Variants in PLCZ1 observed in about 807,000 individuals in gnomAD.
PLCZ1 encodes phospholipase C zeta 1.
PLCZ1 carries 64 observed loss-of-function variants against 76.8 expected under a neutral mutation model. The ratio of observed to expected loss-of-function variants is 0.83; its 90% confidence interval spans 0.68 to 1.03. The LOEUF (loss-of-function observed/expected upper bound fraction) is 1.03, where lower values mean the gene tolerates loss of function less well. Among genes scored for constraint, PLCZ1 ranks in the 50% least tolerant of loss-of-function variants. The pLI is 0.00. For synonymous variants in PLCZ1, 248 were observed against 230.8 expected (o/e 1.07, Z -0.68); for missense variants, 751 against 713.7 (o/e 1.05, Z -0.60).
intron 2 of PLCZ1, 121 bp downstream of exon 2, chr12:18,737,240 C>CAG (rs1959450170): frequency 9.6e-7 from 1 of 1,045,196 alleles, no homozygotes; most frequent in Admixed American, 1.7e-5. Context: ...CAGGGAAAAG[C>CAG]AGTTCAACTT....
downstream of PLCZ1, among the ~76,000 whole-genome samples, chr12:18,680,389 A>G (rs1168997450): frequency 1.3e-5 from 2 of 152,074 alleles, no homozygotes; most frequent in Non-Finnish European, 2.9e-5. Context: ...CCAACATTTA[A>G]AATGGAGACC....
intron 4 of PLCZ1, among the ~76,000 whole-genome samples, chr12:18,721,907 A>C (rs938807770): frequency 6.6e-6 from 1 of 151,974 alleles, no homozygotes; most frequent in African/African-American, 2.4e-5. Context: ...TTTGCATGGC[A>C]CTGAGTCATG....
In PLCZ1 at chr12:18,687,380, A is replaced by G. The variant is rs141847943; in HGVS notation, c.1591+709T>C. 2.2e-3 allele frequency among the ~76,000 whole-genome samples: 342 copies of G among 152,278 alleles called. 1 individual carries two copies. The highest frequency in any genetic ancestry group is 7.9e-3 in the African/African-American group (329 of 41,576). On this transcript the variant is annotated intron_variant, in intron 13 of 14. Coordinates refer to ENST00000266505, the MANE Select transcript of PLCZ1 (RefSeq NM_033123.4). Reference sequence around the variant, plus strand: ...TTTGCTTTGAGAATATCCCTTGAAGAAGATTCCAGACTCAAGAATCAGTTC... The same window carrying G: ...TTTGCTTTGAGAATATCCCTTGAAGGAGATTCCAGACTCAAGAATCAGTTC...
Position 18,695,051 on chromosome 12 carries a change from C to G in PLCZ1, c.1320G>C (p.Leu440=), listed in dbSNP as rs1242030223. 4 of 1,613,050 alleles carry G rather than the reference C, an allele frequency of 2.5e-6. No individual in the cohort carries two copies. Among genetic ancestry groups the G allele is most frequent in the South Asian group, 1.1e-5 (1 of 91,062 alleles). ...MVALNFQTPG[L]PMDLQNGKFL... ...ATTTCCCATTTTGCAGATCCATGGG[C>G]AGACCAGGGGTCTGGAAATTTAAAG... Residue 440 remains leucine, a synonymous_variant, in exon 12 of 15, where the codon CTG becomes CTC. Coordinates refer to ENST00000266505, the MANE Select transcript of PLCZ1 (RefSeq NM_033123.4).
intron 3 of PLCZ1, among the ~76,000 whole-genome samples, chr12:18,731,899 T>C (rs1330943815): frequency 6.6e-6 from 1 of 152,156 alleles, no homozygotes; most frequent in Non-Finnish European, 1.5e-5. Context: ...TCCCTCCTAC[T>C]AGTTATTCTT....
chr12:18,737,482 T>C lies in PLCZ1; in HGVS notation c.-111A>G. ...CTGCCCCTTTGCAGAAAATAATTTC[T>C]TGATACTCATCAGCTGTTACCACTT... is the stretch of plus-strand genomic sequence containing the variant. On this transcript the variant is annotated 5_prime_UTR_variant, in exon 2 of 15. Coordinates refer to ENST00000266505, the MANE Select transcript of PLCZ1 (RefSeq NM_033123.4). 6.9e-7 allele frequency: 1 copy of C among 1,446,900 alleles called. No homozygotes were observed. Among genetic ancestry groups the C allele is most frequent in the Non-Finnish European group, 9.7e-7 (1 of 1,031,876 alleles). The allele number at this position is 1,446,900 out of a possible 1,614,324, so 89.6% of individuals were successfully genotyped here.
chr12:18,691,126 G>A (rs1489654034), intron 12 of PLCZ1, among the ~76,000 whole-genome samples: 2 of 152,040 alleles, frequency 1.3e-5, no homozygotes, highest in Non-Finnish European at 2.9e-5. Context: ...GAATGGAGAA[G>A]GAAAATATTT....
Position 18,723,386 on chromosome 12 carries a change from G to A in PLCZ1, c.292C>T (p.Gln98Ter). 2 of 1,612,948 alleles carry A rather than the reference G, an allele frequency of 1.2e-6. No individual in the cohort carries two copies. The highest frequency in any genetic ancestry group is 8.5e-7 in the Non-Finnish European group (1 of 1,179,446). ...CTCATCTCAGCTGCATATTGTTCTTGTGTCAGAAATTGAGCCAGATTACTT... is the reference window on the plus strand; with the variant it reads ...CTCATCTCAGCTGCATATTGTTCTTATGTCAGAAATTGAGCCAGATTACTT... ...LASNLAQFLT[Q>*]EQYAAEMSKA... is the part of the protein sequence containing the mutation. The change falls in exon 4 of 15, where the codon CAA becomes TAA. Residue 98 changes from glutamine to a stop codon, truncating the protein, a stop_gained. Transcript: ENST00000266505. LOFTEE classifies it high-confidence loss of function.
rs71440372 is a variant in PLCZ1, at chr12:18,696,322, C to CTATATATATATATATATATATA, written c.1175-78_1175-57dup. On this transcript the variant is annotated intron_variant, in intron 10 of 14. Transcript: ENST00000266505. ...GAATTCAAATAAATTTAAAAAGCCACTATATATATATATATATATATATAT... is the reference window on the plus strand; with the variant it reads ...GAATTCAAATAAATTTAAAAAGCCACTATATATATATATATATATATATATATATATATATATATATATATAT... 1,734 of 267,226 alleles carry CTATATATATATATATATATATA rather than the reference C, an allele frequency of 6.5e-3. 136 individuals carry two copies. The highest frequency in any genetic ancestry group is 0.028 in the African/African-American group (457 of 16,288). 16.6% of individuals were successfully genotyped at this position (267,226 alleles called of 1,614,324 possible). A position where few individuals can be genotyped will look rare whatever the true frequency, so the allele number is the denominator to read the frequency against.
chr12:18,719,720 G>T, intron 4 of PLCZ1, 88 bp from the exon 5 acceptor site: 2 of 826,736 alleles, frequency 2.4e-6, no homozygotes. Flanking sequence ...AACTTACTCA[G>T]TAGTAGAGCA....
At chr12:18,659,663 C>CTTTTTTT in the PLCZ1 span, among the ~76,000 whole-genome samples, 8 of 133,764 alleles carry the variant, frequency 6.0e-5, no homozygotes, top group Non-Finnish European at 7.9e-5. Context: ...GTTCTCCATT[C>CTTTTTTT]TTTTTTTTTT....
At chr12:18,652,674 C>T in the PLCZ1 span, among the ~76,000 whole-genome samples, 1 of 152,046 alleles carries the variant, frequency 6.6e-6, no homozygotes, top group South Asian at 2.1e-4. Context: ...GAATGGCACA[C>T]CAGTACAAGA....
intron 13 of PLCZ1, among the ~76,000 whole-genome samples, chr12:18,685,939 C>T (rs1283370732): frequency 6.6e-6 from 1 of 151,478 alleles, no homozygotes. Context: ...AAAAGTAAAC[C>T]AGGATACCAA....
chr12:18,655,483 G>C, the PLCZ1 span, among the ~76,000 whole-genome samples: 3 of 152,174 alleles, frequency 2.0e-5, no homozygotes, highest in Non-Finnish European at 4.4e-5. Context: ...TGTTGCACCT[G>C]ATAAAAGGTA....
Position 18,688,183 on chromosome 12 carries a change from T to C in PLCZ1, c.1497A>G (p.Ser499=), listed in dbSNP as rs1390266775. The change falls in exon 13 of 15, where the codon TCA becomes TCG. Residue 499 remains serine (S), a synonymous_variant. Transcript: ENST00000266505. ...ISGIQLPLTH[S]SSNKGDSLVI... ...CTAATGAATCACCTTTGTTAGATGA[T>C]GAATGAGTAAGAGGCAACTGGATAC... is the stretch of plus-strand genomic sequence containing the variant. 3 of 1,610,982 alleles carry C rather than the reference T, an allele frequency of 1.9e-6. No individual in the cohort carries two copies. In the East Asian group the frequency reaches 6.7e-5, roughly 36 times the overall value.
At chr12:18,712,693 C>T (rs1205843457) in intron 6 of PLCZ1, 149 bp downstream of exon 6, 6 of 957,938 alleles carry the variant, frequency 6.3e-6, no homozygotes, top group Non-Finnish European at 9.5e-6. Flanking sequence ...TAACTATATA[C>T]AACATGGATT....
intron 7 of PLCZ1, among the ~76,000 whole-genome samples, chr12:18,702,233 CTAAAT>C (rs1334165524): frequency 1.3e-5 from 2 of 151,762 alleles, no homozygotes; most frequent in South Asian, 2.1e-4. Flanking sequence ...CTAGTATAGA[CTAAAT>C]TAAAGATTCG....
chr12:18,698,745 C>T (rs1955475366), intron 10 of PLCZ1, among the ~76,000 whole-genome samples: 1 of 152,060 alleles, frequency 6.6e-6, no homozygotes, highest in Non-Finnish European at 1.5e-5. Flanking sequence ...GTGGTGTATC[C>T]ATCACCCCAA....
Position 18,694,963 on chromosome 12 carries a change from A to G in PLCZ1, c.1408T>C (p.Tyr470His). The G allele has an allele frequency of 6.2e-7, 1 of 1,606,382 alleles. No homozygotes were observed. The change falls in exon 12 of 15, where the codon TAC becomes CAC. Residue 470 changes from tyrosine to histidine, a missense_variant. Tyr to His is a moderately conservative substitution (Grantham distance 83). Transcript: ENST00000266505. ...KPHFLRESKS[Y>H]FNPSNIKEGM... The stretch of plus-strand genomic sequence containing the variant: ...TCTTTTATGTTACTTGGGTTAAAGT[A>G]TGATTTACTCTCTCTTAAGAAATGT...
Sources: allele counts gnomAD v4.1 joint callset (sites outside exome capture counted in the v4.1 genomes callset), GRCh38; gene constraint gnomAD v4.1.1; transcripts MANE v1.5; gene names NCBI Gene and HGNC (gene_info 2026-07-23, HGNC 2026-07-21).